The following CAMK4 variants were observed in gnomAD, a reference collection of about 807,000 sequenced individuals.
The protein encoded by CAMK4 is calcium/calmodulin-dependent protein kinase type IV.
In CAMK4, 22 loss-of-function variants were observed where a neutral mutation model predicts 44.9. The ratio of observed to expected loss-of-function variants is 0.49; its 90% CI spans 0.35 to 0.70. The LOEUF is 0.70. Among genes scored for constraint, CAMK4 ranks in the 30% least tolerant of loss-of-function variants. The pLI is 0.01. For missense variants in CAMK4, 498 were observed against 586.8 expected (o/e 0.85, Z 1.56); for synonymous variants, 218 against 215.4 (o/e 1.01, Z -0.11).
chr5:111,334,558 A>G (rs2112730001), intron 1 of CAMK4, among the ~76,000 whole-genome samples: 1 of 151,682 alleles, frequency 6.6e-6, no homozygotes, highest in East Asian at 2.0e-4. Context: ...TGAGGTTATA[A>G]CCAGTCTTCT....
intron 1 of CAMK4, among the ~76,000 whole-genome samples, chr5:111,279,705 T>C (rs1750923392): frequency 1.3e-5 from 2 of 152,234 alleles, no homozygotes; most frequent in African/African-American, 4.8e-5. Context: ...TATTTGGCAG[T>C]GCACTACACA....
intron 1 of CAMK4, among the ~76,000 whole-genome samples, chr5:111,227,927 TGG>T (rs1470976745): frequency 6.6e-6 from 1 of 152,228 alleles, no homozygotes; most frequent in African/African-American, 2.4e-5. Flanking sequence ...CGAGAGCAGT[TGG>T]TCTTTTGCCC....
At chr5:111,465,623 T>C (rs1754800829) in intron 7 of CAMK4, among the ~76,000 whole-genome samples, 1 of 152,164 alleles carries the variant, frequency 6.6e-6, no homozygotes, top group Non-Finnish European at 1.5e-5. Context: ...CATAAATTCC[T>C]GGAAATATAC....
At chr5:111,416,957 G>C (rs1032878985) in intron 5 of CAMK4, among the ~76,000 whole-genome samples, 1 of 152,190 alleles carries the variant, frequency 6.6e-6, no homozygotes, top group African/African-American at 2.4e-5. Flanking sequence ...TAGGTGTTCA[G>C]CCAGTCTTCC....
At chr5:111,366,905 A>G (rs1215006095) in intron 2 of CAMK4, among the ~76,000 whole-genome samples, 1 of 151,864 alleles carries the variant, frequency 6.6e-6, no homozygotes, top group Non-Finnish European at 1.5e-5. Context: ...AGACCATTAG[A>G]ATATTTAGGG....
At chr5:111,234,091 A>G (rs998456081) in intron 1 of CAMK4, among the ~76,000 whole-genome samples, 3 of 152,232 alleles carry the variant, frequency 2.0e-5, no homozygotes, top group Admixed American at 6.5e-5. Context: ...GTTTGGAAGC[A>G]TGTGCTCAAA....
rs56176713 is a variant in CAMK4, at chr5:111,459,686, C to CTTTTTTTTTTTTTTTT, written c.625+10494_625+10509dup. ...TGTTCTCTTTGAGTTTAGAGACAGT[C>CTTTTTTTTTTTTTTTT]TTTTTTTTTTTTTTTTTTTTTTTTT... On this transcript the variant is annotated intron_variant, in intron 7 of 10. Transcript: ENST00000282356. Among the ~76,000 whole-genome samples, 54 of 86,688 alleles carry CTTTTTTTTTTTTTTTT rather than the reference C, an allele frequency of 6.2e-4. 3 individuals are homozygous for CTTTTTTTTTTTTTTTT. The highest frequency in any genetic ancestry group is 2.6e-3 in the African/African-American group (52 of 20,122). 56.9% of individuals were successfully genotyped at this position (86,688 alleles called of 152,430 possible).
intron 5 of CAMK4, among the ~76,000 whole-genome samples, chr5:111,399,297 A>G (rs1287054413): frequency 6.6e-6 from 1 of 151,990 alleles, no homozygotes; most frequent in Admixed American, 6.5e-5. Context: ...TCATTTCTCT[A>G]CTTCTTTCAG....
At chr5:111,396,943 A>G (rs1476647358) in intron 5 of CAMK4, among the ~76,000 whole-genome samples, 3 of 152,126 alleles carry the variant, frequency 2.0e-5, no homozygotes, top group Admixed American at 2.0e-4. Context: ...ACCCAGCCAC[A>G]ATTCCTATTC....
chr5:111,324,654 A>G (rs1359495736), intron 1 of CAMK4, among the ~76,000 whole-genome samples: 5 of 152,218 alleles, frequency 3.3e-5, no homozygotes, highest in South Asian at 2.1e-4. Context: ...TGAACAAAAA[A>G]TAAAGAATAT....
At position 111,262,783 on chromosome 5, in the gene CAMK4, C is replaced by G. The variant is rs948476269; in HGVS notation, c.161+38139C>G. ...TATGCTAAAATTGTGAACAATTTGT[C>G]TCCCAGGTTCTGTCCTTTTGAACAA... On this transcript the variant is annotated intron_variant, in intron 1 of 10. Coordinates refer to ENST00000282356, the MANE Select transcript of CAMK4 (RefSeq NM_001744.6). Among the ~76,000 whole-genome samples, 13 of 152,308 alleles carry G rather than the reference C, an allele frequency of 8.5e-5. 1 individual carries two copies. The highest frequency in any genetic ancestry group is 4.1e-4 in the South Asian group (2 of 4,820).
intron 1 of CAMK4, among the ~76,000 whole-genome samples, chr5:111,334,101 C>A (rs1749292401): frequency 1.3e-5 from 2 of 151,492 alleles, no homozygotes; most frequent in African/African-American, 4.8e-5. Context: ...TTGGACTTTT[C>A]TTAACATCTG....
At chr5:111,325,365 A>G (rs1275100160) in intron 1 of CAMK4, among the ~76,000 whole-genome samples, 1 of 152,002 alleles carries the variant, frequency 6.6e-6, no homozygotes, top group Non-Finnish European at 1.5e-5. Flanking sequence ...ATAATACTTT[A>G]GATATAATAC....
At chr5:111,397,874 C>T (rs534166563) in intron 5 of CAMK4, among the ~76,000 whole-genome samples, 41 of 152,094 alleles carry the variant, frequency 2.7e-4, no homozygotes, top group Middle Eastern at 3.4e-3. Flanking sequence ...CTCAGTCTAC[C>T]GCCCTCCTCT....
intron 1 of CAMK4, among the ~76,000 whole-genome samples, chr5:111,227,526 C>G (rs1580449601): frequency 1.3e-5 from 2 of 152,154 alleles, no homozygotes; most frequent in South Asian, 4.1e-4. Flanking sequence ...AGTAGTGACT[C>G]CTGATTGCAA....
At chr5:111,427,047 A>G (rs1356420225) in intron 5 of CAMK4, among the ~76,000 whole-genome samples, 1 of 151,938 alleles carries the variant, frequency 6.6e-6, no homozygotes, top group Non-Finnish European at 1.5e-5. Flanking sequence ...TGCTGGCATC[A>G]CCCCTCCTCT....
intron 5 of CAMK4, among the ~76,000 whole-genome samples, chr5:111,435,314 A>G (rs761069124): frequency 6.6e-6 from 1 of 152,092 alleles, no homozygotes; most frequent in Non-Finnish European, 1.5e-5. Context: ...CATACCTTTT[A>G]CTTGCATCCC....
At chr5:111,252,486 T>A (rs989267029) in intron 1 of CAMK4, among the ~76,000 whole-genome samples, 4 of 152,164 alleles carry the variant, frequency 2.6e-5, no homozygotes, top group Non-Finnish European at 4.4e-5. Context: ...TAACCACCTT[T>A]AAATTTAAAC....
At chr5:111,339,638 A>C (rs1405441248) in intron 1 of CAMK4, among the ~76,000 whole-genome samples, 1 of 151,522 alleles carries the variant, frequency 6.6e-6, no homozygotes, top group African/African-American at 2.4e-5. Flanking sequence ...GCTTTGTAGT[A>C]GATTTTGAAA....
Sources: allele counts gnomAD v4.1 joint callset (sites outside exome capture counted in the v4.1 genomes callset), GRCh38; gene constraint gnomAD v4.1.1; transcripts MANE v1.5; gene names NCBI Gene and HGNC (gene_info 2026-07-23, HGNC 2026-07-21).